IRAK1BP1: variants seen among roughly 807,000 people sequenced by gnomAD.
The protein encoded by IRAK1BP1 is interleukin 1 receptor associated kinase 1 binding protein 1, also known as interleukin-1 receptor-associated kinase 1-binding protein 1.
Under a neutral mutation model 28.0 loss-of-function variants are expected in IRAK1BP1, and 24 were observed. The ratio of observed to expected loss-of-function variants is 0.86; its 90% CI spans 0.62 to 1.20. The LOEUF (loss-of-function observed/expected upper bound fraction) is 1.20. Ranked by LOEUF, IRAK1BP1 falls within the 50% of genes most tolerant of loss-of-function variation. IRAK1BP1 has a pLI of 0.00. For missense variants in IRAK1BP1, 336 were observed against 316.7 expected (o/e 1.06, Z -0.46); for synonymous variants, 131 against 116.3 (o/e 1.13, Z -0.81).
chr6:78,971,854 C>G, the IRAK1BP1 span, among the ~76,000 whole-genome samples: 1 of 152,192 alleles, frequency 6.6e-6, no homozygotes, highest in Non-Finnish European at 1.5e-5. Flanking sequence ...GAAATTATAT[C>G]CCGCACCTGG....
chr6:78,920,566 A>G (rs1268115578), intron 4 of IRAK1BP1, among the ~76,000 whole-genome samples: 2 of 152,234 alleles, frequency 1.3e-5, no homozygotes, highest in Non-Finnish European at 2.9e-5. Context: ...TGGTGCTATG[A>G]TAACTGGCTA....
At chr6:78,962,793 A>T in the IRAK1BP1 span, among the ~76,000 whole-genome samples, 4 of 152,150 alleles carry the variant, frequency 2.6e-5, no homozygotes, top group Non-Finnish European at 1.5e-5. Context: ...AATTCATATC[A>T]TGTCAGCCTG....
At chr6:78,868,858 G>A (rs1449673968) in intron 1 of IRAK1BP1, among the ~76,000 whole-genome samples, 1 of 152,112 alleles carries the variant, frequency 6.6e-6, no homozygotes, top group Non-Finnish European at 1.5e-5. Context: ...GACCCCAAAG[G>A]CCAGAGATGT....
chr6:78,887,861 C>A (rs1383345637), intron 2 of IRAK1BP1, among the ~76,000 whole-genome samples: 2 of 152,046 alleles, frequency 1.3e-5, no homozygotes, highest in East Asian at 3.9e-4. Flanking sequence ...GGGTGTATAT[C>A]CAAAAGAACT....
intron 4 of IRAK1BP1, chr6:78,938,486 C>A (rs1773353475): frequency 6.6e-6 from 1 of 151,400 alleles, no homozygotes; most frequent in South Asian, 2.1e-4. Flanking sequence ...TTTTTCTTAA[C>A]ACAATGCAGA....
At chr6:78,948,857 G>A (rs1773978529), downstream of IRAK1BP1, among the ~76,000 whole-genome samples, 1 of 152,148 alleles carries the variant, frequency 6.6e-6, no homozygotes, top group African/African-American at 2.4e-5. Context: ...ACTTGACTTT[G>A]CACCATCAAG....
downstream of IRAK1BP1, among the ~76,000 whole-genome samples, chr6:78,947,445 A>G (rs1020201320): frequency 2.0e-5 from 3 of 152,212 alleles, no homozygotes; most frequent in Non-Finnish European, 4.4e-5. Flanking sequence ...GATAACATCA[A>G]TGTTATTTCA....
At chr6:78,885,258 A>G (rs1012968700) in intron 1 of IRAK1BP1, 120 bp from the exon 2 acceptor site, 2 of 586,986 alleles carry the variant, frequency 3.4e-6, no homozygotes, top group Admixed American at 3.3e-5. Context: ...ACATCAGGCA[A>G]AGTTCTTTTT....
chr6:78,947,695 T>C, downstream of IRAK1BP1: 1 of 1,556,540 alleles, frequency 6.4e-7, no homozygotes, highest in Non-Finnish European at 8.9e-7. Flanking sequence ...ATAACTCCAT[T>C]GGTGACTCAT....
At chr6:78,923,188 G>T (rs910131142) in intron 4 of IRAK1BP1, among the ~76,000 whole-genome samples, 1 of 151,952 alleles carries the variant, frequency 6.6e-6, no homozygotes, top group Non-Finnish European at 1.5e-5. Context: ...CATCTCATGT[G>T]CAGAGACACA....
chr6:78,912,060 A>G (rs959612344), intron 4 of IRAK1BP1, among the ~76,000 whole-genome samples: 2 of 152,180 alleles, frequency 1.3e-5, no homozygotes, highest in African/African-American at 4.8e-5. Flanking sequence ...TAGATATGCA[A>G]AGAGATCCAG....
Position 78,898,427 on chromosome 6 carries a change from T to TATATGTATGTATGTATGTATGCC in IRAK1BP1, c.*97_*98insGTATGTATGTATGTATGCCATAT, listed in dbSNP as rs1771979294. The TATATGTATGTATGTATGTATGCC allele has an allele frequency of 1.2e-5, 2 of 160,888 alleles. No individual in the cohort carries two copies. The highest frequency in any genetic ancestry group is 5.2e-5 in the African/African-American group (2 of 38,174). The allele number at this position is 160,888 out of a possible 1,614,324, so 10.0% of individuals were successfully genotyped here. Reference sequence around the variant, plus strand: ...TTTGTCCTGAATATATATATATATATATATATATATATATATATGGTATAG... The same window carrying TATATGTATGTATGTATGTATGCC: ...TTTGTCCTGAATATATATATATATATATATGTATGTATGTATGTATGCCATATATATATATATATATGGTATAG... On this transcript the variant is annotated 3_prime_UTR_variant, in exon 4 of 4. Coordinates refer to ENST00000369940, the MANE Select transcript of IRAK1BP1 (RefSeq NM_001010844.4).
chr6:78,961,680 T>C, the IRAK1BP1 span: 1 of 1,609,728 alleles, frequency 6.2e-7, no homozygotes, highest in African/African-American at 1.3e-5. Flanking sequence ...CTACATCAAA[T>C]GGTTCTAACC....
At chr6:78,973,344 A>C in the IRAK1BP1 span, among the ~76,000 whole-genome samples, 2 of 150,572 alleles carry the variant, frequency 1.3e-5, no homozygotes, top group African/African-American at 4.9e-5. Context: ...TTTTGTCACC[A>C]CCAGGCCTGC....
At chr6:78,893,672 G>A (rs558940123) in intron 2 of IRAK1BP1, among the ~76,000 whole-genome samples, 7 of 152,134 alleles carry the variant, frequency 4.6e-5, no homozygotes, top group South Asian at 2.1e-4. Flanking sequence ...TTGGGAGGCC[G>A]AGGTGGGTGG....
At chr6:78,970,749 T>C in the IRAK1BP1 span, 38 of 1,329,022 alleles carry the variant, frequency 2.9e-5, no homozygotes, top group Non-Finnish European at 3.8e-5. Flanking sequence ...ATTGTATTTT[T>C]GGGGCTATTA....
chr6:78,973,135 G>A, the IRAK1BP1 span, among the ~76,000 whole-genome samples: 23 of 152,058 alleles, frequency 1.5e-4, no homozygotes, highest in Non-Finnish European at 3.2e-4. Context: ...GAGAAAGGTC[G>A]GGTTACGCTC....
the IRAK1BP1 span, among the ~76,000 whole-genome samples, chr6:78,964,998 T>A: frequency 6.6e-6 from 1 of 152,126 alleles, no homozygotes; most frequent in African/African-American, 2.4e-5. Flanking sequence ...AAATATAATC[T>A]CCAGGCTTTG....
intron 4 of IRAK1BP1, chr6:78,935,568 C>T (rs933116975): frequency 2.4e-5 from 23 of 966,186 alleles, no homozygotes; most frequent in African/African-American, 1.4e-4. Flanking sequence ...CAGTAACTTA[C>T]GGTAAGAAAT....
Sources: gnomAD v4.1 joint callset for allele counts (sites outside exome capture counted in the v4.1 genomes callset) on GRCh38, gnomAD v4.1.1 for gene constraint, MANE v1.5 for transcripts, NCBI Gene and HGNC (gene_info 2026-07-23, HGNC 2026-07-21) for gene names.